TRPS1: variants seen among roughly 807,000 people sequenced by gnomAD.
TRPS1 encodes the protein zinc finger transcription factor Trps1.
TRPS1 carries 6 observed loss-of-function variants against 101.2 expected under a neutral mutation model. That is an observed-to-expected ratio of 0.06 (90% CI 0.03 to 0.12). The LOEUF is 0.12. TRPS1 is among the 10% of genes least tolerant of loss of function. TRPS1 has a pLI of 1.00. For missense variants in TRPS1, 1,363 were observed against 1,567.0 expected (o/e 0.87, Z 2.20); for synonymous variants, 578 against 589.8 (o/e 0.98, Z 0.29).
Position 115,656,872 on chromosome 8 carries a change from C to A in TRPS1, c.-122+11673G>T, listed in dbSNP as rs1038360661. Among the ~76,000 whole-genome samples the A allele has an allele frequency of 5.3e-5, 8 of 151,900 alleles. No homozygotes were observed. In the East Asian group the frequency reaches 1.2e-3, roughly 22 times the overall value. On this transcript the variant is annotated intron_variant, in intron 1 of 6. Coordinates refer to ENST00000395715, the MANE Select transcript of TRPS1 (RefSeq NM_014112.5). The stretch of plus-strand genomic sequence containing the variant: ...TAACAAGGTTTCTGGAATAAGAAAA[C>A]CCCGAAAAGATAAAGTACTTCCTCT...
At chr8:115,636,590 T>G (rs141570867) in intron 1 of TRPS1, among the ~76,000 whole-genome samples, 210 of 152,276 alleles carry the variant, frequency 1.4e-3, no homozygotes, top group African/African-American at 4.9e-3. Flanking sequence ...AAATGAGCAG[T>G]GTAAACAGTA....
intron 5 of TRPS1, among the ~76,000 whole-genome samples, chr8:115,426,524 GA>G (rs1003257465): frequency 7.3e-5 from 11 of 151,598 alleles, no homozygotes; most frequent in African/African-American, 1.5e-4. Flanking sequence ...GGAAAAAACA[GA>G]AAAAAAATCA....
At chr8:115,442,800 A>C (rs369140131) in intron 5 of TRPS1, among the ~76,000 whole-genome samples, 1 of 146,124 alleles carries the variant, frequency 6.8e-6, no homozygotes, top group Non-Finnish European at 1.5e-5. Context: ...TGTCTCTACT[A>C]AAAAAAAAAG....
At chr8:115,509,656 A>C (rs1298325047) in intron 5 of TRPS1, 2 of 152,042 alleles carry the variant, frequency 1.3e-5, no homozygotes, top group African/African-American at 2.4e-5. Context: ...AAAGAAGTTG[A>C]TCCATTTTGA....
At chr8:115,470,652 T>C (rs1372946189) in intron 5 of TRPS1, among the ~76,000 whole-genome samples, 1 of 152,202 alleles carries the variant, frequency 6.6e-6, no homozygotes, top group African/African-American at 2.4e-5. Flanking sequence ...AGAATCTTTC[T>C]ATAAAATATA....
chr8:115,489,551 A>G (rs1481523120), intron 5 of TRPS1, among the ~76,000 whole-genome samples: 1 of 152,190 alleles, frequency 6.6e-6, no homozygotes, highest in Non-Finnish European at 1.5e-5. Context: ...TAAAGAGTGT[A>G]CATTTTGTTT....
chr8:115,637,092 A>T, intron 1 of TRPS1: 1 of 215,924 alleles, frequency 4.6e-6, no homozygotes, highest in Non-Finnish European at 7.9e-6. Flanking sequence ...GATTATCCTG[A>T]GAGAGAAGTA....
At chr8:115,620,260 T>C (rs1366385125) in intron 2 of TRPS1, among the ~76,000 whole-genome samples, 200 bp from the exon 3 acceptor site, 1 of 152,104 alleles carries the variant, frequency 6.6e-6, no homozygotes, top group Admixed American at 6.6e-5. Flanking sequence ...ATTACTTTTG[T>C]AACCAAGACT....
At chr8:115,571,305 C>T (rs545057289) in intron 5 of TRPS1, among the ~76,000 whole-genome samples, 22 of 152,126 alleles carry the variant, frequency 1.4e-4, no homozygotes, top group Admixed American at 2.6e-4. Context: ...CATCACACAA[C>T]GAAGTGTGGC....
At chr8:115,464,860 A>C (rs1353170501) in intron 5 of TRPS1, among the ~76,000 whole-genome samples, 1 of 152,132 alleles carries the variant, frequency 6.6e-6, no homozygotes, top group Non-Finnish European at 1.5e-5. Flanking sequence ...TATATAATGA[A>C]GCTTGTCAGA....
At chr8:115,473,981 A>G (rs1271203480) in intron 5 of TRPS1, among the ~76,000 whole-genome samples, 1 of 152,218 alleles carries the variant, frequency 6.6e-6, no homozygotes, top group Non-Finnish European at 1.5e-5. Context: ...TAGTGAGACA[A>G]TGATGAAAAG....
chr8:115,663,524 T>G (rs531423932), intron 1 of TRPS1, among the ~76,000 whole-genome samples: 2 of 152,060 alleles, frequency 1.3e-5, no homozygotes, highest in East Asian at 1.9e-4. Flanking sequence ...TAAAAGTTTT[T>G]TGTTATTATT....
At chr8:115,505,787 G>T (rs1046876458) in intron 5 of TRPS1, among the ~76,000 whole-genome samples, 1 of 152,160 alleles carries the variant, frequency 6.6e-6, no homozygotes, top group African/African-American at 2.4e-5. Flanking sequence ...AAGACTTCTG[G>T]AGGCAATTTG....
At position 115,527,013 on chromosome 8, in the gene TRPS1, G is replaced by C. The variant is rs1816013822; in HGVS notation, c.2700+59988C>G. On this transcript the variant is annotated intron_variant, in intron 5 of 6. Transcript: ENST00000395715. ...ATGTATAACCCTGTGTTTCTTTCAAGGGCCCAGCATCCTTTGGGAACATAA... is the reference window on the plus strand; with the variant it reads ...ATGTATAACCCTGTGTTTCTTTCAACGGCCCAGCATCCTTTGGGAACATAA... 2.0e-5 allele frequency among the ~76,000 whole-genome samples: 3 copies of C among 152,042 alleles called. No homozygotes were observed. In the South Asian group the frequency reaches 6.2e-4, roughly 31 times the overall value.
rs753182835 is a variant in TRPS1 at position 115,413,140 on chromosome 8, T to C, written c.*883A>G. 3.3e-5 allele frequency: 5 copies of C among 152,156 alleles called. No homozygotes were observed. The highest frequency in any genetic ancestry group is 4.8e-5 in the African/African-American group (2 of 41,430). 9.4% of individuals were successfully genotyped at this position (152,156 alleles called of 1,614,324 possible). Reference sequence around the variant, plus strand: ...ATTGAGGGGATTCCTTTAGTTATAATGTGCCAAGTGAGATTAGTAACCAAC... The same window carrying C: ...ATTGAGGGGATTCCTTTAGTTATAACGTGCCAAGTGAGATTAGTAACCAAC... On this transcript the variant is annotated 3_prime_UTR_variant, in exon 7 of 7. Transcript: ENST00000395715.
chr8:115,476,176 G>A lies in TRPS1; in HGVS notation c.2701-57724C>T, dbSNP rs1210084203. 3.3e-4 allele frequency among the ~76,000 whole-genome samples: 20 copies of A among 60,232 alleles called. 7 individuals are homozygous for A. Among genetic ancestry groups the A allele is most frequent in the Non-Finnish European group, 4.6e-4 (18 of 39,396 alleles). The allele number at this position is 60,232 out of a possible 152,430, so 39.5% of individuals were successfully genotyped here. A position where few individuals can be genotyped will look rare whatever the true frequency, so the allele number is the denominator to read the frequency against. On this transcript the variant is annotated intron_variant, in intron 5 of 6. Coordinates refer to ENST00000395715, the MANE Select transcript of TRPS1 (RefSeq NM_014112.5). ...TGGGACTACAGGCGCCCGCCACTACGCCCGGCTAATTTTTTTGTATTTTTA... is the reference window on the plus strand; with the variant it reads ...TGGGACTACAGGCGCCCGCCACTACACCCGGCTAATTTTTTTGTATTTTTA...
intron 1 of TRPS1, among the ~76,000 whole-genome samples, chr8:115,644,796 T>G (rs1003748635): frequency 6.6e-6 from 1 of 152,130 alleles, no homozygotes; most frequent in Non-Finnish European, 1.5e-5. Flanking sequence ...TAGAGGTCAT[T>G]GTAGGGTTAT....
At chr8:115,620,143 G>A in intron 2 of TRPS1, 83 bp from the exon 3 acceptor site, 1 of 1,422,756 alleles carries the variant, frequency 7.0e-7, no homozygotes, top group Non-Finnish European at 9.7e-7. Flanking sequence ...TTTTACTTAT[G>A]TGAGTTTTTT....
At chr8:115,441,849 G>T (rs983448653) in intron 5 of TRPS1, among the ~76,000 whole-genome samples, 1 of 150,450 alleles carries the variant, frequency 6.6e-6, no homozygotes, top group East Asian at 2.0e-4. Flanking sequence ...TACCATGATA[G>T]GTCTCCCAAT....
Sources: allele counts gnomAD v4.1 joint callset (sites outside exome capture counted in the v4.1 genomes callset), GRCh38; gene constraint gnomAD v4.1.1; transcripts MANE v1.5; gene names NCBI Gene and HGNC (gene_info 2026-07-23, HGNC 2026-07-21).